Variants in ABCD3 observed in about 807,000 individuals in gnomAD.
The protein encoded by ABCD3 is ATP-binding cassette sub-family D member 3.
ABCD3 carries 41 observed loss-of-function variants against 105.5 expected under a neutral mutation model. The ratio of observed to expected loss-of-function variants is 0.39; its 90% CI spans 0.30 to 0.50. The LOEUF is 0.50. Ranked by LOEUF, ABCD3 falls within the 20% of genes least tolerant of loss-of-function variation. The probability of loss-of-function intolerance (pLI) is 0.84; values close to 1 mark genes in which losing one functional copy is unlikely to be tolerated. For synonymous variants in ABCD3, 258 were observed against 269.0 expected, an observed-to-expected ratio of 0.96 and a Z score of 0.40; for missense variants, 622 against 806.3, an observed-to-expected ratio of 0.77 and a Z score of 2.77.
chr1:94,507,885 A>G (rs958340574), intron 21 of ABCD3, among the ~76,000 whole-genome samples: 1 of 146,176 alleles, frequency 6.8e-6, no homozygotes, highest in East Asian at 2.0e-4. Flanking sequence ...TAGATTCTGG[A>G]TATTAGCCCT....
intron 2 of ABCD3, among the ~76,000 whole-genome samples, chr1:94,461,024 G>A (rs1227108798): frequency 1.3e-5 from 2 of 152,004 alleles, no homozygotes; most frequent in African/African-American, 4.8e-5. Context: ...TGGTTGCATA[G>A]TGTGAGAAAG....
chr1:94,458,579 G>A (rs762095721), intron 1 of ABCD3, 28 bp from the exon 2 acceptor site: 1 of 1,595,560 alleles, frequency 6.3e-7, no homozygotes, highest in Admixed American at 1.7e-5. Context: ...ATAAAGTAAA[G>A]CTCTCTCTCT....
At chr1:94,447,500 C>A (rs1472171436) in intron 1 of ABCD3, among the ~76,000 whole-genome samples, 1 of 152,214 alleles carries the variant, frequency 6.6e-6, no homozygotes, top group East Asian at 1.9e-4. Context: ...CAGTAAACAA[C>A]CTACAGCCTG....
the ABCD3 span, among the ~76,000 whole-genome samples, chr1:94,410,628 G>T: frequency 6.6e-6 from 1 of 152,110 alleles, no homozygotes; most frequent in Non-Finnish European, 1.5e-5. Flanking sequence ...TAGTGCACAG[G>T]TCAGCTGAAC....
chr1:94,451,522 C>T (rs376501273), intron 1 of ABCD3, among the ~76,000 whole-genome samples: 17 of 152,220 alleles, frequency 1.1e-4, no homozygotes, highest in East Asian at 7.7e-4. Context: ...ACAACACTCA[C>T]GTTTCAGATT....
At chr1:94,480,216 T>C in intron 8 of ABCD3, 1 of 533,260 alleles carries the variant, frequency 1.9e-6, no homozygotes, top group Non-Finnish European at 3.3e-6. Context: ...ATTAGGAGTT[T>C]TTAGGTGAGC....
chr1:94,443,704 G>C (rs1276580981), intron 1 of ABCD3, among the ~76,000 whole-genome samples: 1 of 152,138 alleles, frequency 6.6e-6, no homozygotes, highest in Non-Finnish European at 1.5e-5. Context: ...ACATGGCTAT[G>C]TAATTTTCCC....
intron 1 of ABCD3, chr1:94,419,177 T>G (rs543224603): frequency 3.5e-6 from 2 of 576,944 alleles, no homozygotes; most frequent in African/African-American, 4.1e-5. Context: ...TCTAAAGTGG[T>G]GAGCCCTTGG....
rs768239556 is a variant in ABCD3 at position 94,517,083 on chromosome 1, A to G, written c.1934A>G (p.Tyr645Cys). The G allele has an allele frequency of 1.4e-5, 22 of 1,611,136 alleles. No individual in the cohort carries two copies. Among genetic ancestry groups the G allele is most frequent in the East Asian group, 2.2e-5 (1 of 44,786 alleles). ...CTGCATATGGATGGCAGAGGCAACT[A>G]TGAATTCAAACAGATAACAGAAGAT... ...YYLHMDGRGN[Y>C]EFKQITEDTV... The change falls in exon 23 of 23, where the codon TAT becomes TGT. Residue 645 changes from tyrosine (Y) to cysteine (C), a missense_variant. By Grantham distance (194) the Tyr-to-Cys change is radical (BLOSUM62 -2). Around this residue, in one of 4 missense-constraint regions of ABCD3, gnomAD observed 285 missense variants for 352.5 expected, o/e 0.81. Coordinates refer to ENST00000370214, the MANE Select transcript of ABCD3 (RefSeq NM_002858.4).
At chr1:94,479,742 T>TTA (rs1158090449) in intron 8 of ABCD3, among the ~76,000 whole-genome samples, 2 of 152,038 alleles carry the variant, frequency 1.3e-5, no homozygotes, top group Non-Finnish European at 2.9e-5. Context: ...CAGGAAACAT[T>TTA]TATATATTTT....
At chr1:94,477,253 A>G (rs1187341381) in intron 7 of ABCD3, among the ~76,000 whole-genome samples, 1 of 148,974 alleles carries the variant, frequency 6.7e-6, no homozygotes, top group Non-Finnish European at 1.5e-5. Flanking sequence ...AAAAAAAAAA[A>G]AAGGAAAGGG....
At chr1:94,436,030 C>T (rs1659888704) in intron 1 of ABCD3, among the ~76,000 whole-genome samples, 1 of 152,284 alleles carries the variant, frequency 6.6e-6, no homozygotes. Context: ...GTTCCAGGCT[C>T]CTCTTAGACA....
chr1:94,443,044 T>A lies in ABCD3; in HGVS notation c.111-15563T>A, dbSNP rs118074347. 2.8e-3 allele frequency among the ~76,000 whole-genome samples: 432 copies of A among 152,328 alleles called. 14 individuals carry two copies. In the East Asian group the frequency reaches 0.072, roughly 25 times the overall value. ...TTAGTTCTTTGAGAAATCACCATAC[T>A]GTTTTCCATAAAGATGGTAATAATT... On this transcript the variant is annotated intron_variant, in intron 1 of 22. Coordinates refer to ENST00000370214, the MANE Select transcript of ABCD3 (RefSeq NM_002858.4).
intron 1 of ABCD3, among the ~76,000 whole-genome samples, chr1:94,429,896 G>T (rs1308911547): frequency 6.6e-6 from 1 of 152,174 alleles, no homozygotes; most frequent in East Asian, 1.9e-4. Context: ...ACCCCAGAAG[G>T]GTAGATCCAC....
At chr1:94,495,604 G>A (rs1649762835) in intron 16 of ABCD3, among the ~76,000 whole-genome samples, 1 of 152,196 alleles carries the variant, frequency 6.6e-6, no homozygotes, top group South Asian at 2.1e-4. Context: ...CAGGATTTCA[G>A]TAAGTCTGGT....
intron 9 of ABCD3, 80 bp from the exon 10 acceptor site, chr1:94,483,090 A>T: frequency 1.1e-6 from 1 of 910,634 alleles, no homozygotes; most frequent in Non-Finnish European, 1.8e-6. Context: ...ACAAACATTC[A>T]GCCATCATAT....
chr1:94,439,179 A>G (rs1369055930), intron 1 of ABCD3, among the ~76,000 whole-genome samples: 2 of 152,130 alleles, frequency 1.3e-5, no homozygotes, highest in African/African-American at 4.8e-5. Flanking sequence ...ATTTGTCTGG[A>G]TGTAAAATCC....
intron 1 of ABCD3, among the ~76,000 whole-genome samples, chr1:94,452,728 T>G (rs564912654): frequency 4.4e-4 from 67 of 152,136 alleles, no homozygotes; most frequent in African/African-American, 8.9e-4. Context: ...TTTTGTTTTT[T>G]TTTGTTTGTT....
chr1:94,476,579 G>GT (rs1648752663), intron 7 of ABCD3, among the ~76,000 whole-genome samples: 1 of 152,142 alleles, frequency 6.6e-6, no homozygotes. Context: ...TAGATATACA[G>GT]TTTTGAGACA....
Sources: gnomAD v4.1 joint callset for allele counts (sites outside exome capture counted in the v4.1 genomes callset) on GRCh38, gnomAD v4.1.1 for gene constraint, gnomAD v4.1.1 regional missense constraint, MANE v1.5 for transcripts, NCBI Gene and HGNC (gene_info 2026-07-23, HGNC 2026-07-21) for gene names.